The following NBEA variants were observed in gnomAD, a reference collection of about 807,000 sequenced individuals.
The protein encoded by NBEA is neurobeachin.
Under a neutral mutation model 343.4 loss-of-function variants are expected in NBEA, and 44 were observed. The ratio of observed to expected loss-of-function variants is 0.13; its 90% CI spans 0.10 to 0.16. The LOEUF is 0.16. Ranked by LOEUF, NBEA falls within the 10% of genes least tolerant of loss-of-function variation. The pLI is 1.00. For missense variants in NBEA, 2,555 were observed against 3,631.3 expected, an observed-to-expected ratio of 0.70 and a Z score of 7.62; for synonymous variants, 1,175 against 1,238.7, an observed-to-expected ratio of 0.95 and a Z score of 1.08.
chr13:35,081,201 T>G (rs551988041), intron 10 of NBEA, among the ~76,000 whole-genome samples: 7 of 152,280 alleles, frequency 4.6e-5, no homozygotes, highest in African/African-American at 1.7e-4. Context: ...GCTGTATATC[T>G]CATCAGGGTT....
chr13:35,316,628 A>G (rs1427960297), intron 36 of NBEA, among the ~76,000 whole-genome samples: 3 of 152,130 alleles, frequency 2.0e-5, no homozygotes, highest in Non-Finnish European at 4.4e-5. Flanking sequence ...ATACCCAGTA[A>G]TGGGATTGCT....
intron 17 of NBEA, among the ~76,000 whole-genome samples, chr13:35,124,072 C>T (rs1392090212): frequency 6.6e-6 from 1 of 151,950 alleles, no homozygotes; most frequent in East Asian, 1.9e-4. Context: ...TGAATACTTT[C>T]TAAGAACACT....
intron 34 of NBEA, 142 bp downstream of exon 34, chr13:35,232,761 G>T (rs1007555254): frequency 3.0e-6 from 2 of 658,498 alleles, no homozygotes; most frequent in Admixed American, 3.9e-5. Context: ...TATTCAATAT[G>T]TTTTCTCTTC....
Position 35,472,458 on chromosome 13 carries a change from G to A in NBEA, c.6507G>A (p.Gly2169=), listed in dbSNP as rs755083304. Residue 2169 remains glycine, a synonymous_variant, in exon 41 of 59, where the codon GGG becomes GGA. Transcript: ENST00000379939. ...QLIAPVVVAK[G]TLSITTTEIY... ...TCGCTCCCGTGGTGGTGGCCAAGGG[G>A]ACTCTCTCCATCACCACGACAGAAA... The A allele has an allele frequency of 2.5e-6, 4 of 1,613,850 alleles. No individual in the cohort carries two copies. Among genetic ancestry groups the A allele is most frequent in the African/African-American group, 2.7e-5 (2 of 74,910 alleles).
intron 48 of NBEA, among the ~76,000 whole-genome samples, chr13:35,625,623 T>G (rs908270256): frequency 6.6e-6 from 1 of 151,732 alleles, no homozygotes; most frequent in Non-Finnish European, 1.5e-5. Flanking sequence ...AGATCCTGTC[T>G]AAAAAATAAT....
chr13:35,145,801 A>G (rs2068381725), intron 18 of NBEA, among the ~76,000 whole-genome samples: 1 of 152,180 alleles, frequency 6.6e-6, no homozygotes, highest in Non-Finnish European at 1.5e-5. Context: ...ATGTAAGGGA[A>G]TTACAGCCTC....
intron 38 of NBEA, among the ~76,000 whole-genome samples, chr13:35,413,798 A>G (rs1399590647): frequency 6.6e-6 from 1 of 152,154 alleles, no homozygotes; most frequent in Non-Finnish European, 1.5e-5. Flanking sequence ...CAAAATATAC[A>G]TATGATGCTC....
chr13:35,604,044 C>T (rs9574225), intron 47 of NBEA, among the ~76,000 whole-genome samples: 1 of 152,156 alleles, frequency 6.6e-6, no homozygotes, highest in Admixed American at 6.6e-5. Context: ...TTCTTTACTT[C>T]TACTCTCCTG....
chr13:35,647,580 T>G (rs2084296827), intron 51 of NBEA, among the ~76,000 whole-genome samples: 1 of 152,182 alleles, frequency 6.6e-6, no homozygotes, highest in African/African-American at 2.4e-5. Flanking sequence ...TTTGTTGTTG[T>G]TGTTTTGAGA....
At chr13:35,583,081 G>A (rs2081130508) in intron 45 of NBEA, among the ~76,000 whole-genome samples, 1 of 152,158 alleles carries the variant, frequency 6.6e-6, no homozygotes, top group Non-Finnish European at 1.5e-5. Flanking sequence ...CACGGACTCT[G>A]TATACCATTA....
chr13:35,444,339 GA>G lies in NBEA; in HGVS notation c.6305-7749del, dbSNP rs1164829364. ...TTAGAGTTACTAAAAGCACTGGTCT[GA>G]AAAGGTATTTGTTGCTCAGACTTAA... On this transcript the variant is annotated intron_variant, in intron 39 of 58. Transcript: ENST00000379939. 3.3e-5 allele frequency among the ~76,000 whole-genome samples: 5 copies of G among 151,942 alleles called. No homozygotes were observed. In the East Asian group the frequency reaches 5.8e-4, roughly 18 times the overall value.
intron 36 of NBEA, among the ~76,000 whole-genome samples, chr13:35,322,261 T>C (rs889929265): frequency 2.0e-5 from 3 of 152,208 alleles, no homozygotes; most frequent in African/African-American, 4.8e-5. Context: ...GTCTGTGGGT[T>C]GCAAACACTG....
intron 53 of NBEA, 141 bp downstream of exon 53, chr13:35,652,017 G>A: frequency 1.6e-6 from 1 of 619,280 alleles, no homozygotes. Context: ...TCAAGGAGCT[G>A]TGTAAATCAT....
chr13:35,177,163 A>C, intron 28 of NBEA, 60 bp downstream of exon 28: 1 of 1,304,930 alleles, frequency 7.7e-7, no homozygotes, highest in Non-Finnish European at 1.1e-6. Flanking sequence ...CGTATGAAAT[A>C]CGTTTTATAA....
intron 1 of NBEA, among the ~76,000 whole-genome samples, chr13:34,974,683 A>G (rs1160084884): frequency 6.6e-6 from 1 of 152,174 alleles, no homozygotes; most frequent in Non-Finnish European, 1.5e-5. Context: ...TATTTTAGGG[A>G]TAGAATAAAT....
At chr13:35,653,530 C>T (rs1052693564) in intron 53 of NBEA, among the ~76,000 whole-genome samples, 3 of 152,018 alleles carry the variant, frequency 2.0e-5, no homozygotes, top group African/African-American at 4.8e-5. Flanking sequence ...AGGGTTTCAC[C>T]GTGTTGGCCA....
At chr13:35,550,687 A>G in intron 42 of NBEA, 93 bp downstream of exon 42, 1 of 774,890 alleles carries the variant, frequency 1.3e-6, no homozygotes. Flanking sequence ...TTCCTACTGT[A>G]TTTCTGATGT....
chr13:35,067,476 A>C (rs1019685797), intron 8 of NBEA, among the ~76,000 whole-genome samples: 1 of 152,162 alleles, frequency 6.6e-6, no homozygotes, highest in Non-Finnish European at 1.5e-5. Context: ...ACAAATCATT[A>C]ATGTTAAGTG....
intron 1 of NBEA, among the ~76,000 whole-genome samples, chr13:34,960,771 A>G (rs1356031986): frequency 3.9e-5 from 6 of 152,102 alleles, no homozygotes; most frequent in Admixed American, 3.9e-4. Context: ...AAGTTTGTCT[A>G]AGTACACTCT....
Sources: allele counts gnomAD v4.1 joint callset (sites outside exome capture counted in the v4.1 genomes callset), GRCh38; gene constraint gnomAD v4.1.1; transcripts MANE v1.5; gene names NCBI Gene and HGNC (gene_info 2026-07-23, HGNC 2026-07-21).